EYS: variants seen among roughly 807,000 people sequenced by gnomAD.
EYS encodes the protein protein eyes shut homolog.
A neutral mutation model predicts 282.1 loss-of-function variants in EYS; 250 were observed. The ratio of observed to expected loss-of-function variants is 0.89; its 90% CI spans 0.80 to 0.98. The LOEUF (loss-of-function observed/expected upper bound fraction) is 0.98. Ranked by LOEUF, EYS falls within the 50% of genes least tolerant of loss-of-function variation. The probability of loss-of-function intolerance (pLI) is 0.00; values close to 1 mark genes in which losing one functional copy is unlikely to be tolerated. For synonymous variants in EYS, 1,355 were observed against 1,282.9 expected, an observed-to-expected ratio of 1.06 and a Z score of -1.20; for missense variants, 4,016 against 3,709.0, an observed-to-expected ratio of 1.08 and a Z score of -2.15.
At chr6:65,619,122 G>T (rs1766357384) in intron 2 of EYS, among the ~76,000 whole-genome samples, 1 of 151,780 alleles carries the variant, frequency 6.6e-6, no homozygotes, top group Non-Finnish European at 1.5e-5. Context: ...GGATGGCATT[G>T]AATCTGCAAA....
At chr6:64,832,021 GC>G (rs1765234205) in intron 19 of EYS, among the ~76,000 whole-genome samples, 1 of 151,818 alleles carries the variant, frequency 6.6e-6, no homozygotes, top group African/African-American at 2.4e-5. Context: ...GTACAAACAG[GC>G]ATATGAGGAT....
chr6:65,543,079 C>T (rs1234639052), intron 2 of EYS, among the ~76,000 whole-genome samples: 2 of 152,072 alleles, frequency 1.3e-5, no homozygotes, highest in Non-Finnish European at 2.9e-5. Context: ...AGAGAAGTGG[C>T]GTGATCTCGG....
intron 5 of EYS, among the ~76,000 whole-genome samples, chr6:65,438,800 A>T (rs540450031): frequency 0.012 from 1,841 of 151,972 alleles, 17 homozygotes; most frequent in Admixed American, 0.02. Flanking sequence ...CCCATTTTCT[A>T]GGTTGCCTGT....
At chr6:64,071,987 C>CG (rs1430439081) in intron 32 of EYS, among the ~76,000 whole-genome samples, 2 of 151,524 alleles carry the variant, frequency 1.3e-5, no homozygotes, top group Non-Finnish European at 2.9e-5. Context: ...CATATAGAGC[C>CG]GGGGGGACAT....
intron 22 of EYS, among the ~76,000 whole-genome samples, chr6:64,676,845 C>T (rs1417813482): frequency 2.0e-5 from 3 of 152,108 alleles, no homozygotes; most frequent in Middle Eastern, 3.2e-3. Flanking sequence ...TTCATGAGGG[C>T]TCTGCTCTCA....
intron 28 of EYS, among the ~76,000 whole-genome samples, chr6:64,393,846 C>A (rs1325385808): frequency 6.6e-6 from 1 of 151,976 alleles, no homozygotes; most frequent in Non-Finnish European, 1.5e-5. Context: ...CAAATTGTCC[C>A]TGTTTGCAGA....
At chr6:65,105,423 CAT>C (rs1282600008) in intron 12 of EYS, among the ~76,000 whole-genome samples, 1 of 151,806 alleles carries the variant, frequency 6.6e-6, no homozygotes, top group Admixed American at 6.6e-5. Flanking sequence ...CACGTACACA[CAT>C]AAACTATTTT....
At chr6:65,511,120 AGT>A (rs1197976790) in intron 2 of EYS, among the ~76,000 whole-genome samples, 1 of 152,204 alleles carries the variant, frequency 6.6e-6, no homozygotes, top group Non-Finnish European at 1.5e-5. Context: ...ATTGACAAAC[AGT>A]AACTAGACTA....
intron 29 of EYS, among the ~76,000 whole-genome samples, chr6:64,370,811 A>C (rs1329040341): frequency 6.6e-6 from 1 of 151,938 alleles, no homozygotes; most frequent in Non-Finnish European, 1.5e-5. Flanking sequence ...CATGCATAGA[A>C]GTGTTCATAA....
intron 11 of EYS, chr6:65,331,093 A>G: frequency 1.0e-6 from 1 of 983,988 alleles, no homozygotes. Flanking sequence ...ATCAGATCCC[A>G]CCCCATTAGT....
chr6:63,875,591 C>T (rs954887748), intron 35 of EYS, among the ~76,000 whole-genome samples: 9 of 152,102 alleles, frequency 5.9e-5, no homozygotes, highest in East Asian at 1.9e-4. Context: ...GTTGTGATTC[C>T]GTCTGGTCCT....
At chr6:64,587,743 C>A (rs1766277416) in intron 26 of EYS, among the ~76,000 whole-genome samples, 1 of 151,946 alleles carries the variant, frequency 6.6e-6, no homozygotes, top group Non-Finnish European at 1.5e-5. Context: ...ACTACTATGG[C>A]AACATCTGCA....
intron 35 of EYS, among the ~76,000 whole-genome samples, chr6:63,880,789 C>T (rs1035372727): frequency 6.6e-6 from 1 of 152,084 alleles, no homozygotes; most frequent in Non-Finnish European, 1.5e-5. Flanking sequence ...CAGGCTTTTT[C>T]AATTAAAAGA....
At chr6:65,208,089 A>C (rs1766082003) in intron 12 of EYS, among the ~76,000 whole-genome samples, 1 of 151,842 alleles carries the variant, frequency 6.6e-6, no homozygotes, top group African/African-American at 2.4e-5. Flanking sequence ...GCAGAATGGG[A>C]GAAAGTATTT....
In EYS at chr6:64,403,383, G is replaced by A. The variant is rs9362785; in HGVS notation, c.5928-14543C>T. Among the ~76,000 whole-genome samples the A allele has an allele frequency of 3.3e-4, 50 of 151,604 alleles. No individual in the cohort carries two copies. The East Asian group carries it at 6.6e-3, about 20-fold the overall frequency. On this transcript the variant is annotated intron_variant, in intron 28 of 42. Coordinates refer to ENST00000503581, the MANE Select transcript of EYS (RefSeq NM_001142800.2). ...AGTAATTTTTTTTTTCTGAGATGGCGTCTCGCTCTGTCACCCAGGGTGTAG... is the reference window on the plus strand; with the variant it reads ...AGTAATTTTTTTTTTCTGAGATGGCATCTCGCTCTGTCACCCAGGGTGTAG...
intron 22 of EYS, among the ~76,000 whole-genome samples, chr6:64,801,484 T>G (rs549340317): frequency 2.6e-5 from 4 of 151,906 alleles, no homozygotes; most frequent in South Asian, 2.1e-4. Flanking sequence ...AATTTAACAT[T>G]TTTTTTGTAT....
At chr6:65,475,340 T>C (rs1765360511) in intron 5 of EYS, among the ~76,000 whole-genome samples, 2 of 152,226 alleles carry the variant, frequency 1.3e-5, no homozygotes, top group South Asian at 2.1e-4. Flanking sequence ...ATTTATTCAA[T>C]AATAGGTACA....
chr6:64,590,783 G>C lies in EYS; in HGVS notation c.5084C>G (p.Ser1695Ter). Residue 1695 changes from serine to a stop codon, truncating the protein, a stop_gained, in exon 26 of 43, where the codon TCA (serine) becomes TGA (stop). Coordinates refer to ENST00000503581, the MANE Select transcript of EYS (RefSeq NM_001142800.2). LOFTEE classifies it high-confidence loss of function. ...TTTCAATAGTTTTAAAATGTTTTCT[G>C]ATACTGACAGTTCATCAGTAGTCAT... ...SKMTTDELSVSENILKLLKIR... is the reference protein window; with the variant it reads ...SKMTTDELSV The C allele has an allele frequency of 6.5e-7, 1 of 1,549,772 alleles. No homozygotes were observed. Among genetic ancestry groups the C allele is most frequent in the Non-Finnish European group, 8.7e-7 (1 of 1,145,628 alleles).
intron 29 of EYS, among the ~76,000 whole-genome samples, chr6:64,361,729 C>A (rs1038427426): frequency 2.6e-5 from 4 of 151,684 alleles, no homozygotes; most frequent in Non-Finnish European, 5.9e-5. Flanking sequence ...TAGGACACAA[C>A]ACATACACAC....
Sources: allele counts gnomAD v4.1 joint callset (sites outside exome capture counted in the v4.1 genomes callset), GRCh38; gene constraint gnomAD v4.1.1; transcripts MANE v1.5; gene names NCBI Gene and HGNC (gene_info 2026-07-23, HGNC 2026-07-21).